Variants in CASP8 observed in about 807,000 individuals in gnomAD.
CASP8 encodes caspase-8.
CASP8 carries 24 observed loss-of-function variants against 46.3 expected under a neutral mutation model. The ratio of observed to expected loss-of-function variants is 0.52; its 90% CI spans 0.38 to 0.73. The LOEUF (loss-of-function observed/expected upper bound fraction) is 0.73. Among genes scored for constraint, CASP8 ranks in the 30% least tolerant of loss-of-function variants. CASP8 has a pLI of 0.00. For missense variants in CASP8, 460 were observed against 559.0 expected (o/e 0.82, Z 1.79); for synonymous variants, 188 against 200.4 (o/e 0.94, Z 0.52).
chr2:201,250,231 G>T (rs1946718568), intron 2 of CASP8, among the ~76,000 whole-genome samples: 1 of 152,210 alleles, frequency 6.6e-6, no homozygotes, highest in Admixed American at 6.5e-5. Flanking sequence ...TTATGACCTG[G>T]CTTCAGGAGA....
At chr2:201,277,827 A>G (rs1247606929) in intron 7 of CASP8, 5 of 334,310 alleles carry the variant, frequency 1.5e-5, no homozygotes, top group Non-Finnish European at 2.8e-5. Context: ...CAGCCTCCCA[A>G]GTAGCTGGGA....
At chr2:201,236,591 GTC>G (rs1946055154) in intron 2 of CASP8, among the ~76,000 whole-genome samples, 1 of 152,246 alleles carries the variant, frequency 6.6e-6, no homozygotes, top group South Asian at 2.1e-4. Context: ...CTATTAAAAA[GTC>G]TTTTTTTAGA....
intron 2 of CASP8, among the ~76,000 whole-genome samples, chr2:201,252,571 T>C (rs767277450): frequency 3.3e-5 from 5 of 152,250 alleles, no homozygotes; most frequent in African/African-American, 1.2e-4. Context: ...AACGGTCTTT[T>C]GTTTTGCAAA....
chr2:201,286,426 C>A, intron 8 of CASP8, 33 bp from the exon 9 acceptor site: 1 of 1,607,552 alleles, frequency 6.2e-7, no homozygotes, highest in Non-Finnish European at 8.5e-7. Flanking sequence ...CTTTCCCCCA[C>A]AGACAGTCAC....
chr2:201,245,786 C>T (rs527421227), intron 2 of CASP8, among the ~76,000 whole-genome samples: 1 of 152,212 alleles, frequency 6.6e-6, no homozygotes, highest in South Asian at 2.1e-4. Context: ...CCCTGCTGGG[C>T]TTCCGCTTTG....
chr2:201,281,930 A>ATTTTTTTTTTTTTTTT (rs1239219788), intron 7 of CASP8: 1 of 496,708 alleles, frequency 2.0e-6, no homozygotes, highest in Admixed American at 5.3e-5. Flanking sequence ...TCTGGTTCAA[A>ATTTTTTTTTTTTTTTT]TTCTTTTTTT....
chr2:201,251,225 T>C (rs1349045719), intron 2 of CASP8, among the ~76,000 whole-genome samples: 1 of 152,238 alleles, frequency 6.6e-6, no homozygotes, highest in African/African-American at 2.4e-5. Flanking sequence ...TAAACATTCA[T>C]GTGCAGGTTT....
chr2:201,246,281 C>T (rs531214417), intron 2 of CASP8, among the ~76,000 whole-genome samples: 1 of 152,260 alleles, frequency 6.6e-6, no homozygotes, highest in Non-Finnish European at 1.5e-5. Context: ...GGTGTTGTTC[C>T]TGCCTCTGGG....
intron 7 of CASP8, among the ~76,000 whole-genome samples, chr2:201,282,890 C>A (rs1248171218): frequency 1.4e-5 from 1 of 72,116 alleles, no homozygotes; most frequent in Non-Finnish European, 3.5e-5. Flanking sequence ...CCAGTAGGGG[C>A]GGCCGGGCAG....
At chr2:201,283,496 C>T in intron 7 of CASP8, among the ~76,000 whole-genome samples, 3 of 80,732 alleles carry the variant, frequency 3.7e-5, no homozygotes, top group Non-Finnish European at 5.9e-5. Flanking sequence ...AGAGGGGCTC[C>T]TCACTTCCCA....
rs1285954014 is a variant in CASP8, at chr2:201,274,214, G to T, written c.596-675G>T. On this transcript the variant is annotated intron_variant, in intron 5 of 8. Transcript: ENST00000673742. Reference sequence around the variant, plus strand: ...CTGCCTGCTGAGCCTAAGGCCTTAAGAATACTTTAAGGAGTAAAGTACTAA... The same window carrying T: ...CTGCCTGCTGAGCCTAAGGCCTTAATAATACTTTAAGGAGTAAAGTACTAA... 2.0e-5 allele frequency among the ~76,000 whole-genome samples: 3 copies of T among 152,132 alleles called. 1 individual carries two copies. The highest frequency in any genetic ancestry group is 6.5e-5 in the Admixed American group (1 of 15,274).
chr2:201,266,579 G>A lies in CASP8; in HGVS notation c.93G>A (p.Pro31=), dbSNP rs772151801. 5.6e-6 allele frequency: 9 copies of A among 1,614,044 alleles called. No individual in the cohort carries two copies. Among genetic ancestry groups the A allele is most frequent in the East Asian group, 2.2e-5 (1 of 44,896 alleles). Residue 31 remains proline (P), a synonymous_variant, in exon 2 of 9, where the codon CCG becomes CCA. Coordinates refer to ENST00000673742, the MANE Select transcript of CASP8 (RefSeq NM_001372051.1). This position sits in a 1 kb window ranked among gnomAD's most constrained non-coding sequence, Gnocchi z 5.7. ...SLKFLSLDYI[P]QRKQEPIKDA... ...AGTTCCTGAGCCTGGACTACATTCC[G>A]CAAAGGAAGCAAGAACCCATCAAGG... is the stretch of plus-strand genomic sequence containing the variant.
chr2:201,278,438 A>C (rs1193435393), intron 7 of CASP8, among the ~76,000 whole-genome samples: 1 of 152,116 alleles, frequency 6.6e-6, no homozygotes, highest in African/African-American at 2.4e-5. Context: ...TTTTCACAGA[A>C]CCAACACACT....
At chr2:201,244,391 G>A (rs141715097) in intron 2 of CASP8, among the ~76,000 whole-genome samples, 80 of 152,320 alleles carry the variant, frequency 5.3e-4, no homozygotes, top group African/African-American at 1.9e-3. Context: ...CTGTAGGAGA[G>A]AGAGAAGGAA....
intron 2 of CASP8, among the ~76,000 whole-genome samples, chr2:201,236,454 CA>C (rs1011046758): frequency 1.4e-4 from 22 of 152,254 alleles, no homozygotes; most frequent in African/African-American, 5.3e-4. Context: ...TCTAACTCCC[CA>C]GGGGGAGAGT....
At chr2:201,284,352 C>T (rs1462315704) in intron 7 of CASP8, among the ~76,000 whole-genome samples, 1 of 77,098 alleles carries the variant, frequency 1.3e-5, no homozygotes, top group Non-Finnish European at 2.9e-5. Context: ...TGTAGCAAGC[C>T]GAGATCACGC....
intron 2 of CASP8, among the ~76,000 whole-genome samples, chr2:201,254,559 A>T (rs1188925510): frequency 6.6e-6 from 1 of 152,208 alleles, no homozygotes; most frequent in Non-Finnish European, 1.5e-5. Flanking sequence ...AAACTCCCAC[A>T]TTGGCAACAA....
intron 5 of CASP8, 123 bp downstream of exon 5, chr2:201,273,065 T>C (rs9679553): frequency 8.1e-4 from 634 of 785,548 alleles, no homozygotes; most frequent in African/African-American, 2.3e-3. Flanking sequence ...TTTCTTTTTT[T>C]TTTTTTTTTT....
chr2:201,284,877 A>C lies in CASP8; in HGVS notation c.864A>C (p.Thr288=), dbSNP rs1050673165. 1.2e-6 allele frequency: 2 copies of C among 1,614,120 alleles called. No individual in the cohort carries two copies. The highest frequency in any genetic ancestry group is 8.5e-7 in the Non-Finnish European group (1 of 1,180,006). ...AGATCAAGCCCCACGATGACTGCAC[A>C]GTAGAGCAAATCTATGAGATTTTGA... The part of the protein sequence containing the change: ...HFEIKPHDDC[T]VEQIYEILKI... The change falls in exon 8 of 9, where the codon ACA becomes ACC. Residue 288 remains threonine, a synonymous_variant. Transcript: ENST00000673742.
Sources: allele counts gnomAD v4.1 joint callset (sites outside exome capture counted in the v4.1 genomes callset), GRCh38; gene constraint gnomAD v4.1.1; non-coding constraint Gnocchi (gnomAD v3.1); transcripts MANE v1.5; gene names NCBI Gene and HGNC (gene_info 2026-07-23, HGNC 2026-07-21).